The following SF3B3 variants were observed in gnomAD, a reference collection of about 807,000 sequenced individuals.
SF3B3 encodes SAP 130.
Under a neutral mutation model 139.2 loss-of-function variants are expected in SF3B3, and 33 were observed. The ratio of observed to expected loss-of-function variants is 0.24; its 90% confidence interval spans 0.18 to 0.32. The LOEUF (loss-of-function observed/expected upper bound fraction) is 0.32. Among genes scored for constraint, SF3B3 ranks in the 10% least tolerant of loss-of-function variants. SF3B3 has a pLI of 1.00. For synonymous variants in SF3B3, 596 were observed against 563.6 expected (o/e 1.06, Z -0.81); for missense variants, 818 against 1,509.4 (o/e 0.54, Z 7.59).
At position 70,556,296 on chromosome 16, in the gene SF3B3, G is replaced by A. The variant is rs1219586048; in HGVS notation, c.1828G>A (p.Val610Met). 2 of 1,614,202 alleles carry A rather than the reference G, an allele frequency of 1.2e-6. No individual in the cohort carries two copies. The highest frequency in any genetic ancestry group is 2.2e-5 in the South Asian group (2 of 91,076). ...GTCTCGCTTCCTGGCTGTGGGGCTT[G>A]TGGACAACACTGTCAGAATCATCTC... ...QRSRFLAVGLVDNTVRIISLD... is the reference protein window; with the variant it reads ...QRSRFLAVGLMDNTVRIISLD... The change falls in exon 14 of 26, where the codon GTG becomes ATG. Residue 610 changes from valine (V) to methionine (M), a missense_variant. Physicochemically the swap from Val to Met is conservative, Grantham distance 21 (BLOSUM62 1). This residue lies in a region of SF3B3 where 170 missense variants were observed against 353.0 expected (regional missense o/e 0.48). Transcript: ENST00000302516.
intron 2 of SF3B3, among the ~76,000 whole-genome samples, chr16:70,528,167 T>C (rs551174228): frequency 0.1 from 14,881 of 144,118 alleles, 2,105 homozygotes; most frequent in African/African-American, 0.37. Context: ...GTTTTCTTTT[T>C]TTTTTTTTTT....
intron 13 of SF3B3, among the ~76,000 whole-genome samples, chr16:70,555,880 C>G (rs2050375936): frequency 6.6e-6 from 1 of 152,208 alleles, no homozygotes; most frequent in South Asian, 2.1e-4. Context: ...TTATATGTCT[C>G]CATTTCCTGA....
At chr16:70,535,270 G>C (rs765137859) in intron 5 of SF3B3, 38 bp from the exon 6 acceptor site, 12 of 1,066,244 alleles carry the variant, frequency 1.1e-5, no homozygotes, top group East Asian at 2.6e-5. Flanking sequence ...ATTCATGTCT[G>C]AGTCAAAGTC....
rs1178357526 is a variant in SF3B3, at chr16:70,561,793, G to C, written c.2288+9G>C. On this transcript the variant is annotated intron_variant, in intron 17 of 25. Coordinates refer to ENST00000302516, the MANE Select transcript of SF3B3 (RefSeq NM_012426.5). The stretch of plus-strand genomic sequence containing the variant: ...TCCACCAACACCCTACGGTGAGTGA[G>C]TCTCATGTTTGAAGCTCAGCAGGAA... 6 of 1,612,616 alleles carry C rather than the reference G, an allele frequency of 3.7e-6. No individual in the cohort carries two copies. The African/African-American group carries it at 4.0e-5, about 11-fold the overall frequency.
chr16:70,571,568 A>C, intron 25 of SF3B3, 105 bp from the exon 26 acceptor site: 1 of 1,296,244 alleles, frequency 7.7e-7, no homozygotes. Flanking sequence ...CTGTCTCAAA[A>C]ACTAAAAAAT....
At chr16:70,528,702 C>T (rs1212085548) in intron 2 of SF3B3, among the ~76,000 whole-genome samples, 171 bp from the exon 3 acceptor site, 1 of 152,026 alleles carries the variant, frequency 6.6e-6, no homozygotes, top group African/African-American at 2.4e-5. Flanking sequence ...ACAGCAACCT[C>T]TACCTCCTGG....
chr16:70,534,724 A>G (rs1381498791), intron 5 of SF3B3, among the ~76,000 whole-genome samples: 1 of 152,192 alleles, frequency 6.6e-6, no homozygotes, highest in Non-Finnish European at 1.5e-5. Flanking sequence ...GCTAGAGCAC[A>G]GTGGCACGAT....
At chr16:70,565,637 T>C in intron 20 of SF3B3, 113 bp downstream of exon 20, 1 of 949,482 alleles carries the variant, frequency 1.1e-6, no homozygotes, top group Non-Finnish European at 1.6e-6. Flanking sequence ...CCAATCTCTC[T>C]CTTACCAGCA....
At chr16:70,561,981 T>C (rs1249477543) in intron 17 of SF3B3, among the ~76,000 whole-genome samples, 197 bp downstream of exon 17, 1 of 152,212 alleles carries the variant, frequency 6.6e-6, no homozygotes, top group Non-Finnish European at 1.5e-5. Context: ...TGTTTTAGCT[T>C]CTGTTAAGAT....
At chr16:70,538,493 C>A (rs2050188813) in intron 7 of SF3B3, 33 bp downstream of exon 7, 3 of 1,570,544 alleles carry the variant, frequency 1.9e-6, no homozygotes, top group Non-Finnish European at 2.6e-6. Context: ...AGTATAGCTA[C>A]TCTATGAGAT....
intron 11 of SF3B3, among the ~76,000 whole-genome samples, chr16:70,553,476 C>T (rs1360213852): frequency 6.6e-6 from 1 of 151,182 alleles, no homozygotes; most frequent in Admixed American, 6.6e-5. Context: ...TTGTTCTGTC[C>T]TTTTTTTTTA....
At position 70,561,052 on chromosome 16, in the gene SF3B3, ACT is replaced by A. The variant is rs568987344; in HGVS notation, c.2133+464_2133+465del. ...GTTTTTTTTTTTGAGATGGAGTCTC[ACT>A]CTGTCGCCCAGGCTGGAATGTAGTG... is the stretch of plus-strand genomic sequence containing the variant. On this transcript the variant is annotated intron_variant, in intron 16 of 25. Transcript: ENST00000302516. Among the ~76,000 whole-genome samples, 288 of 151,372 alleles carry A rather than the reference ACT, an allele frequency of 1.9e-3. 1 individual carries two copies. Among genetic ancestry groups the A allele is most frequent in the African/African-American group, 6.5e-3 (269 of 41,176 alleles).
In SF3B3 at chr16:70,528,162, CTT is replaced by C. The variant is rs760087242; in HGVS notation, c.71-692_71-691del. Among the ~76,000 whole-genome samples the C allele has an allele frequency of 5.3e-3, 644 of 122,268 alleles. 2 individuals carry two copies. Among genetic ancestry groups the C allele is most frequent in the African/African-American group, 0.018 (604 of 34,070 alleles). 80.2% of individuals were successfully genotyped at this position (122,268 alleles called of 152,430 possible). A position where few individuals can be genotyped will look rare whatever the true frequency, so the allele number is the denominator to read the frequency against. On this transcript the variant is annotated intron_variant, in intron 2 of 25. Coordinates refer to ENST00000302516, the MANE Select transcript of SF3B3 (RefSeq NM_012426.5). Reference sequence around the variant, plus strand: ...TTATCTAAAATGATGGAGAAGTTTTCTTTTTTTTTTTTTTTTTTTTGAGACGT... The same window carrying C: ...TTATCTAAAATGATGGAGAAGTTTTCTTTTTTTTTTTTTTTTTTGAGACGT...
At chr16:70,551,866 C>A (rs2050330426) in intron 11 of SF3B3, among the ~76,000 whole-genome samples, 1 of 152,148 alleles carries the variant, frequency 6.6e-6, no homozygotes, top group Non-Finnish European at 1.5e-5. Context: ...CACTCTAGTA[C>A]ATAAGAATTA....
Position 70,532,624 on chromosome 16 carries a change from C to G in SF3B3, c.712+4C>G. 2 of 1,614,050 alleles carry G rather than the reference C, an allele frequency of 1.2e-6. No homozygotes were observed. Among genetic ancestry groups the G allele is most frequent in the Non-Finnish European group, 1.7e-6 (2 of 1,179,936 alleles). On this transcript the variant is annotated splice_donor_region_variant and intron_variant, in intron 5 of 25. Coordinates refer to ENST00000302516, the MANE Select transcript of SF3B3 (RefSeq NM_012426.5). Reference sequence around the variant, plus strand: ...CACGGCAACTTCCTTATTACAGGTACTTTTCTTTCAGAGCTGCTTTGTACC... The same window carrying G: ...CACGGCAACTTCCTTATTACAGGTAGTTTTCTTTCAGAGCTGCTTTGTACC...
intron 11 of SF3B3, among the ~76,000 whole-genome samples, chr16:70,553,606 G>A (rs1690635283): frequency 1.3e-5 from 2 of 152,110 alleles, no homozygotes; most frequent in Non-Finnish European, 1.5e-5. Flanking sequence ...TACGCCAAAC[G>A]TACTGGATGG....
intron 20 of SF3B3, among the ~76,000 whole-genome samples, chr16:70,566,393 T>A (rs1451223925): frequency 4.6e-5 from 7 of 151,868 alleles, no homozygotes; most frequent in Admixed American, 3.9e-4. Flanking sequence ...TGAAATCCCA[T>A]CTCTATTAAA....
intron 5 of SF3B3, among the ~76,000 whole-genome samples, chr16:70,533,056 A>G (rs970970005): frequency 6.6e-6 from 1 of 152,256 alleles, no homozygotes; most frequent in African/African-American, 2.4e-5. Context: ...TGATCCAAAA[A>G]TAAATTAAGA....
Position 70,560,462 on chromosome 16 carries a change from T to C in SF3B3, c.2011-7T>C, listed in dbSNP as rs746940007. 6.8e-6 allele frequency: 11 copies of C among 1,612,654 alleles called. No homozygotes were observed. Among genetic ancestry groups the C allele is most frequent in the Middle Eastern group, 1.6e-4 (1 of 6,074 alleles). Reference sequence around the variant, plus strand: ...CAGGCTTCACCTGCTCCTCTCCTTTTGATTAGAACGGTGTGCTGCTGAGGA... The same window carrying C: ...CAGGCTTCACCTGCTCCTCTCCTTTCGATTAGAACGGTGTGCTGCTGAGGA... On this transcript the variant is annotated splice_region_variant and splice_polypyrimidine_tract_variant and intron_variant, in intron 15 of 25. Coordinates refer to ENST00000302516, the MANE Select transcript of SF3B3 (RefSeq NM_012426.5).
Sources: gnomAD v4.1 joint callset for allele counts (sites outside exome capture counted in the v4.1 genomes callset) on GRCh38, gnomAD v4.1.1 for gene constraint, gnomAD v4.1.1 regional missense constraint, MANE v1.5 for transcripts, NCBI Gene and HGNC (gene_info 2026-07-23, HGNC 2026-07-21) for gene names.